SASH1: variants seen among roughly 807,000 people sequenced by gnomAD.
SASH1 encodes the protein SAM and SH3 domain containing 1, also known as SAM and SH3 domain-containing protein 1.
Under a neutral mutation model 125.2 loss-of-function variants are expected in SASH1, and 44 were observed. That is an observed-to-expected ratio of 0.35 (90% CI 0.28 to 0.45). The LOEUF (loss-of-function observed/expected upper bound fraction) is 0.45. Among genes scored for constraint, SASH1 ranks in the 20% least tolerant of loss-of-function variants. SASH1 has a pLI of 1.00. For missense variants in SASH1, 1,426 were observed against 1,614.5 expected, an observed-to-expected ratio of 0.88 and a Z score of 2.00; for synonymous variants, 639 against 649.1, an observed-to-expected ratio of 0.98 and a Z score of 0.24.
At chr6:148,514,236 G>T in intron 8 of SASH1, 88 bp from the exon 9 acceptor site, 3 of 1,523,722 alleles carry the variant, frequency 2.0e-6, no homozygotes, top group South Asian at 2.6e-5. Context: ...CCGAGGTTCA[G>T]ACTGGCAGCA....
At position 148,321,085 on chromosome 6, in the gene SASH1, G is replaced by A. The variant is rs574183292; in HGVS notation, n.74+48708G>A. 4.6e-5 allele frequency among the ~76,000 whole-genome samples: 7 copies of A among 152,252 alleles called. No homozygotes were observed. The South Asian group carries it at 1.2e-3, about 27-fold the overall frequency. On this transcript the variant is annotated intron_variant and non_coding_transcript_variant, in intron 1 of 3. Transcript: ENST00000367469. Reference sequence around the variant, plus strand: ...ATTAGGTTGGTGCAAACATAATCACGGTTTTTACCATTGAAGGTAATGGCA... The same window carrying A: ...ATTAGGTTGGTGCAAACATAATCACAGTTTTTACCATTGAAGGTAATGGCA...
intron 4 of SASH1, among the ~76,000 whole-genome samples, chr6:148,445,524 A>G (rs927624486): frequency 1.2e-4 from 19 of 152,224 alleles, no homozygotes; most frequent in Non-Finnish European, 5.9e-5. Context: ...AGAAAACCTG[A>G]CAAATAGTGA....
chr6:148,390,073 A>T (rs561379801), intron 1 of SASH1, 61 bp from the exon 2 acceptor site: 1 of 1,597,340 alleles, frequency 6.3e-7, no homozygotes, highest in Non-Finnish European at 8.5e-7. Context: ...GGGAGGTCCG[A>T]TGGCTGTGGG....
At chr6:148,256,987 A>C in the SASH1 span, among the ~76,000 whole-genome samples, 1 of 152,298 alleles carries the variant, frequency 6.6e-6, no homozygotes, top group African/African-American at 2.4e-5. Flanking sequence ...GTTAACTGTG[A>C]TAATAGGTGC....
intron 2 of SASH1, among the ~76,000 whole-genome samples, chr6:148,438,125 T>G (rs1317905259): frequency 6.6e-6 from 1 of 152,126 alleles, no homozygotes; most frequent in East Asian, 1.9e-4. Flanking sequence ...TGCAATTGGG[T>G]GTTAAAGGAG....
intron 1 of SASH1, among the ~76,000 whole-genome samples, chr6:148,326,802 T>A (rs1780842508): frequency 6.6e-6 from 1 of 151,952 alleles, no homozygotes; most frequent in African/African-American, 2.4e-5. Flanking sequence ...TAAAAGAGGG[T>A]GAAGTTAGAG....
rs566228801 is a variant in SASH1 at position 148,432,555 on chromosome 6, G to A, written c.286-7629G>A. Among the ~76,000 whole-genome samples, 389 of 152,316 alleles carry A rather than the reference G, an allele frequency of 2.6e-3. 7 individuals are homozygous for A. Among genetic ancestry groups the A allele is most frequent in the Non-Finnish European group, 1.9e-3 (132 of 68,026 alleles). ...TTTAGCTGCATGTGGCTAAGCATCCGATCGCCTCTGGCTTTTTCCACCTCC... is the reference window on the plus strand; with the variant it reads ...TTTAGCTGCATGTGGCTAAGCATCCAATCGCCTCTGGCTTTTTCCACCTCC... On this transcript the variant is annotated intron_variant, in intron 2 of 19. Coordinates refer to ENST00000367467, the MANE Select transcript of SASH1 (RefSeq NM_015278.5).
intron 1 of SASH1, among the ~76,000 whole-genome samples, chr6:148,354,082 T>C (rs1781836940): frequency 6.6e-6 from 1 of 152,130 alleles, no homozygotes; most frequent in Non-Finnish European, 1.5e-5. Flanking sequence ...GGAGGATCCC[T>C]TGAGCCCATG....
intron 1 of SASH1, among the ~76,000 whole-genome samples, chr6:148,382,126 AT>A (rs1783165463): frequency 6.6e-6 from 1 of 151,972 alleles, no homozygotes; most frequent in Admixed American, 6.6e-5. Context: ...TCAGCAGCAT[AT>A]TTTTTTGACT....
the SASH1 span, among the ~76,000 whole-genome samples, chr6:148,255,410 C>T: frequency 3.3e-5 from 5 of 152,146 alleles, no homozygotes; most frequent in East Asian, 1.9e-4. Context: ...TTCAGAAGCT[C>T]GTTTAGCCTT....
chr6:148,273,307 T>G (rs1779108958), intron 1 of SASH1, among the ~76,000 whole-genome samples: 1 of 150,358 alleles, frequency 6.7e-6, no homozygotes, highest in Admixed American at 6.6e-5. Flanking sequence ...TTTTTTTTTT[T>G]TTTTGAGACA....
chr6:148,207,970 G>C, the SASH1 span, among the ~76,000 whole-genome samples: 1 of 152,172 alleles, frequency 6.6e-6, no homozygotes, highest in Non-Finnish European at 1.5e-5. Flanking sequence ...AGGCCTCAGA[G>C]ACCATGACTG....
chr6:148,514,334 A>G lies in SASH1; in HGVS notation c.740A>G (p.Gln247Arg). 1 of 1,604,832 alleles carries G rather than the reference A, an allele frequency of 6.2e-7. No individual in the cohort carries two copies. Among genetic ancestry groups the G allele is most frequent in the Non-Finnish European group, 8.5e-7 (1 of 1,177,810 alleles). ...TTGTTTCTTTGCCAGTCAAGAGAAC[A>G]ATCGGATGATGAGACTGAGGAGTCG... ...DGSSNCNSRE[Q>R]SDDETEESVK... Residue 247 changes from glutamine (Q) to arginine (R), a missense_variant, in exon 9 of 20, where the codon CAA becomes CGA. By Grantham distance (43) the Gln-to-Arg change is conservative (BLOSUM62 1). Around this residue, in one of 3 missense-constraint regions of SASH1, gnomAD observed 567 missense variants for 575.6 expected, o/e 0.99. Coordinates refer to ENST00000367467, the MANE Select transcript of SASH1 (RefSeq NM_015278.5).
chr6:148,211,448 G>A, the SASH1 span, among the ~76,000 whole-genome samples: 140 of 151,164 alleles, frequency 9.3e-4, no homozygotes, highest in African/African-American at 3.2e-3. Flanking sequence ...GCACGTGCCT[G>A]TAATCCCAGC....
At chr6:148,206,793 G>GCACACACACA in the SASH1 span, among the ~76,000 whole-genome samples, 1,613 of 134,512 alleles carry the variant, frequency 0.012, 28 homozygotes, top group African/African-American at 0.024. Flanking sequence ...CCATCTCAAA[G>GCACACACACA]CACACACACA....
At chr6:148,366,841 C>T (rs1782479318) in intron 1 of SASH1, among the ~76,000 whole-genome samples, 1 of 151,906 alleles carries the variant, frequency 6.6e-6, no homozygotes, top group South Asian at 2.1e-4. Flanking sequence ...CCTGATCCTG[C>T]CCGTCTGCCT....
Position 148,356,494 on chromosome 6 carries a change from CT to C in SASH1, c.156+13291del, listed in dbSNP as rs57183555. On this transcript the variant is annotated intron_variant, in intron 1 of 19. Coordinates refer to ENST00000367467, the MANE Select transcript of SASH1 (RefSeq NM_015278.5). ...TCAAATGGTAGATCTACTTTTAGTT[CT>C]TTTTTTTTTTTTTTTTTTTGAGACT... Among the ~76,000 whole-genome samples, 746 of 116,200 alleles carry C rather than the reference CT, an allele frequency of 6.4e-3. 5 individuals are homozygous for C. The highest frequency in any genetic ancestry group is 0.022 in the African/African-American group (662 of 29,918). 76.2% of individuals were successfully genotyped at this position (116,200 alleles called of 152,430 possible). A position where few individuals can be genotyped will look rare whatever the true frequency, so the allele number is the denominator to read the frequency against.
At chr6:148,307,028 C>CTT (rs201717574) in intron 1 of SASH1, among the ~76,000 whole-genome samples, 1 of 18,182 alleles carries the variant, frequency 5.5e-5, no homozygotes, top group Non-Finnish European at 1.2e-4. Flanking sequence ...TCTTTCTTTT[C>CTT]TTTCTTTCTT....
At chr6:148,372,114 C>A (rs1782726852) in intron 1 of SASH1, among the ~76,000 whole-genome samples, 1 of 152,268 alleles carries the variant, frequency 6.6e-6, no homozygotes, top group Middle Eastern at 3.4e-3. Context: ...CATAAGGAAG[C>A]ACAGTACCAC....
Sources: allele counts gnomAD v4.1 joint callset (sites outside exome capture counted in the v4.1 genomes callset), GRCh38; gene constraint gnomAD v4.1.1; regional missense constraint gnomAD v4.1.1; transcripts MANE v1.5; gene names NCBI Gene and HGNC (gene_info 2026-07-23, HGNC 2026-07-21).